Variants in UACA observed in about 807,000 individuals in gnomAD.
The protein encoded by UACA is uveal autoantigen with coiled-coil domains and ankyrin repeats.
Under a neutral mutation model 160.5 loss-of-function variants are expected in UACA, and 112 were observed. The ratio of observed to expected loss-of-function variants is 0.70; its 90% confidence interval spans 0.60 to 0.82. The LOEUF is 0.82. Among genes scored for constraint, UACA ranks in the 40% least tolerant of loss-of-function variants. UACA has a pLI of 0.00. For missense variants in UACA, 1,574 were observed against 1,614.6 expected (o/e 0.97, Z 0.43); for synonymous variants, 557 against 568.4 (o/e 0.98, Z 0.29).
chr15:70,746,941 T>C (rs1899724101), intron 1 of UACA, among the ~76,000 whole-genome samples: 3 of 151,636 alleles, frequency 2.0e-5, no homozygotes, highest in South Asian at 2.1e-4. Context: ...AATGAGAACA[T>C]ATGGGCACAG....
intron 17 of UACA, chr15:70,660,769 CTATT>C (rs1896676968): frequency 6.6e-6 from 1 of 152,348 alleles, no homozygotes; most frequent in African/African-American, 2.4e-5. Flanking sequence ...TTCACTTTCT[CTATT>C]TCTGTTGCCC....
At chr15:70,688,808 T>A (rs961613179) in intron 5 of UACA, among the ~76,000 whole-genome samples, 1 of 151,486 alleles carries the variant, frequency 6.6e-6, no homozygotes, top group African/African-American at 2.4e-5. Flanking sequence ...ATGAAGTAAA[T>A]GAGTTTGTTT....
At chr15:70,739,249 A>G (rs1250315160) in intron 1 of UACA, among the ~76,000 whole-genome samples, 1 of 152,226 alleles carries the variant, frequency 6.6e-6, no homozygotes, top group Non-Finnish European at 1.5e-5. Flanking sequence ...GGGTTTCTCA[A>G]TCTTGGCACT....
At chr15:70,718,321 A>T (rs1363907900) in intron 1 of UACA, among the ~76,000 whole-genome samples, 49 of 68,192 alleles carry the variant, frequency 7.2e-4, no homozygotes, top group African/African-American at 1.5e-3. Context: ...AGAGAGAGAG[A>T]GAATGTGTGT....
chr15:70,772,273 C>T, the UACA span, among the ~76,000 whole-genome samples: 1 of 151,868 alleles, frequency 6.6e-6, no homozygotes, highest in Non-Finnish European at 1.5e-5. Context: ...GCGGGTGGAT[C>T]ATGAGGTCAG....
At chr15:70,674,542 G>GT (rs1235496996) in intron 13 of UACA, among the ~76,000 whole-genome samples, 9 of 151,730 alleles carry the variant, frequency 5.9e-5, no homozygotes, top group Non-Finnish European at 8.9e-5. Context: ...TATGACTATT[G>GT]TAAGTTATAG....
At chr15:70,694,349 A>G (rs547015475) in intron 3 of UACA, among the ~76,000 whole-genome samples, 2 of 152,082 alleles carry the variant, frequency 1.3e-5, no homozygotes, top group East Asian at 1.9e-4. Context: ...AAAGGTACAA[A>G]TAAGTGTAAG....
intron 10 of UACA, 65 bp from the exon 11 acceptor site, chr15:70,678,271 T>A (rs552752116): frequency 1.8e-5 from 22 of 1,190,222 alleles, no homozygotes; most frequent in Non-Finnish European, 2.5e-5. Flanking sequence ...AAAGGAGAAA[T>A]TTTTAAAAGC....
chr15:70,686,016 C>G (rs967368737), intron 7 of UACA, among the ~76,000 whole-genome samples: 1 of 152,038 alleles, frequency 6.6e-6, no homozygotes, highest in Non-Finnish European at 1.5e-5. Flanking sequence ...CTCAAGTGAT[C>G]CGCGCCCAGC....
rs758449405 is a variant in UACA at position 70,708,219 on chromosome 15, T to A, written c.79-8559A>T. On this transcript the variant is annotated intron_variant, in intron 1 of 18. Coordinates refer to ENST00000322954, the MANE Select transcript of UACA (RefSeq NM_018003.4). The stretch of plus-strand genomic sequence containing the variant: ...ATTTACTTACATGAGGTACCTAAAG[T>A]AGGCAAATTTACAGAAACAGAAAAC... 2.0e-5 allele frequency among the ~76,000 whole-genome samples: 3 copies of A among 152,134 alleles called. No homozygotes were observed. The South Asian group carries it at 6.2e-4, about 32-fold the overall frequency.
At chr15:70,663,597 T>C (rs140948472) in intron 17 of UACA, among the ~76,000 whole-genome samples, 2 of 152,156 alleles carry the variant, frequency 1.3e-5, no homozygotes, top group East Asian at 3.9e-4. Flanking sequence ...CTGTTCACAA[T>C]AGCAAGGACT....
the UACA span, among the ~76,000 whole-genome samples, chr15:70,768,861 T>C: frequency 6.6e-6 from 1 of 152,214 alleles, no homozygotes; most frequent in East Asian, 1.9e-4. Context: ...TTTTAAATGA[T>C]GGTTTTACTT....
intron 1 of UACA, among the ~76,000 whole-genome samples, chr15:70,703,881 C>T (rs1898450765): frequency 6.6e-6 from 1 of 152,106 alleles, no homozygotes; most frequent in Non-Finnish European, 1.5e-5. Context: ...TTCTTCCCTC[C>T]CCTACTTTCA....
In UACA at chr15:70,711,490, T is replaced by C. The variant is rs547551475; in HGVS notation, c.79-11830A>G. On this transcript the variant is annotated intron_variant, in intron 1 of 18. Transcript: ENST00000322954. ...CAGCCTGACCAACATGGCAAAACCA[T>C]CTCTACTAAAAAAAAAAAAAAAATT... Among the ~76,000 whole-genome samples, 13 of 106,078 alleles carry C rather than the reference T, an allele frequency of 1.2e-4. No individual in the cohort carries two copies. In the South Asian group the frequency reaches 4.3e-3, roughly 35 times the overall value. 69.6% of individuals were successfully genotyped at this position (106,078 alleles called of 152,430 possible).
intron 1 of UACA, among the ~76,000 whole-genome samples, chr15:70,724,818 G>T (rs1899097077): frequency 6.7e-6 from 1 of 150,278 alleles, no homozygotes; most frequent in African/African-American, 2.5e-5. Context: ...GAAAAAAAAA[G>T]ATATCTAGAA....
chr15:70,666,753 C>G lies in UACA; in HGVS notation c.3931G>C (p.Ala1311Pro). 2 of 1,607,298 alleles carry G rather than the reference C, an allele frequency of 1.2e-6. No individual in the cohort carries two copies. Among genetic ancestry groups the G allele is most frequent in the Middle Eastern group, 1.7e-4 (1 of 6,022 alleles). ...TTATCTTTTGCTTCTATTTGTTTAG[C>G]AGATTCTTGTATTCTTCTTTGTAAC... ...TELQRRIQESAKQIEAKDNKI... is the reference protein window; with the variant it reads ...TELQRRIQESPKQIEAKDNKI... The change falls in exon 16 of 19, where the codon GCT becomes CCT. Residue 1311 changes from alanine to proline, a missense_variant. By Grantham distance (27) the Ala-to-Pro change is conservative. Transcript: ENST00000322954.
intron 1 of UACA, among the ~76,000 whole-genome samples, chr15:70,747,241 GTTT>G (rs549683234): frequency 1.7e-5 from 2 of 119,246 alleles, no homozygotes; most frequent in Non-Finnish European, 3.5e-5. Flanking sequence ...TGTTTTTTGG[GTTT>G]TTTTTTTTTT....
intron 1 of UACA, among the ~76,000 whole-genome samples, chr15:70,741,182 G>C (rs185178515): frequency 2.0e-4 from 30 of 152,316 alleles, no homozygotes; most frequent in Admixed American, 1.8e-3. Flanking sequence ...AGAGCCTGCT[G>C]TTCTCACTTC....
intron 1 of UACA, among the ~76,000 whole-genome samples, chr15:70,750,037 C>CGT (rs2029949348): frequency 6.6e-6 from 1 of 152,154 alleles, no homozygotes; most frequent in Non-Finnish European, 1.5e-5. Flanking sequence ...TTTCTGACCA[C>CGT]GTGTCTGTTG....
Sources: gnomAD v4.1 joint callset for allele counts (sites outside exome capture counted in the v4.1 genomes callset) on GRCh38, gnomAD v4.1.1 for gene constraint, MANE v1.5 for transcripts, NCBI Gene and HGNC (gene_info 2026-07-23, HGNC 2026-07-21) for gene names.